Variants in HPSE2 observed in about 807,000 individuals in gnomAD.
The protein encoded by HPSE2 is heparanase 2 (inactive).
Under a neutral mutation model 60.5 loss-of-function variants are expected in HPSE2, and 38 were observed. That is an observed-to-expected ratio of 0.63 (90% CI 0.48 to 0.82). The LOEUF is 0.82. HPSE2 is among the 40% of genes least tolerant of loss of function. The pLI is 0.00. For missense variants in HPSE2, 713 were observed against 740.4 expected, an observed-to-expected ratio of 0.96 and a Z score of 0.43; for synonymous variants, 295 against 293.2, an observed-to-expected ratio of 1.01 and a Z score of -0.06.
chr10:98,857,941 G>GA (rs1952357210), intron 3 of HPSE2, among the ~76,000 whole-genome samples: 2 of 152,050 alleles, frequency 1.3e-5, no homozygotes, highest in African/African-American at 4.8e-5. Flanking sequence ...TTTTATTTGA[G>GA]AAAAATATAA....
chr10:98,927,253 G>T (rs980848470), intron 3 of HPSE2, among the ~76,000 whole-genome samples: 1 of 152,002 alleles, frequency 6.6e-6, no homozygotes, highest in Non-Finnish European at 1.5e-5. Context: ...CCTCTTTGTA[G>T]GTCACTCAGG....
At chr10:98,520,654 A>T (rs1202957680) in intron 9 of HPSE2, among the ~76,000 whole-genome samples, 1 of 152,246 alleles carries the variant, frequency 6.6e-6, no homozygotes, top group East Asian at 1.9e-4. Flanking sequence ...CATTGATATT[A>T]GGATTTACGT....
chr10:98,846,436 T>C (rs967958979), intron 3 of HPSE2, among the ~76,000 whole-genome samples: 5 of 152,214 alleles, frequency 3.3e-5, no homozygotes, highest in African/African-American at 9.6e-5. Flanking sequence ...CACAAGGCTG[T>C]AGTGAGTATG....
chr10:99,257,286 A>G, the HPSE2 span, among the ~76,000 whole-genome samples: 1 of 152,188 alleles, frequency 6.6e-6, no homozygotes, highest in African/African-American at 2.4e-5. Context: ...AAGAGAGATA[A>G]CCTTAAACTC....
At chr10:98,661,860 G>A (rs888814510) in intron 6 of HPSE2, among the ~76,000 whole-genome samples, 6 of 152,206 alleles carry the variant, frequency 3.9e-5, no homozygotes, top group African/African-American at 1.4e-4. Context: ...GGGCAAGTCA[G>A]TTAGGACTTC....
At chr10:98,504,878 T>C (rs1942149717) in intron 9 of HPSE2, among the ~76,000 whole-genome samples, 1 of 151,858 alleles carries the variant, frequency 6.6e-6, no homozygotes, top group Non-Finnish European at 1.5e-5. Flanking sequence ...CCTTACTTTA[T>C]ATTTTACAGC....
rs550023034 is a variant in HPSE2 at position 98,620,542 on chromosome 10, G to A, written c.1205+60C>T. The A allele has an allele frequency of 3.3e-6, 4 of 1,222,162 alleles. No individual in the cohort carries two copies. In the East Asian group the frequency reaches 7.0e-5, roughly 21 times the overall value. The allele number at this position is 1,222,162 out of a possible 1,614,324, so 75.7% of individuals were successfully genotyped here. A position where few individuals can be genotyped will look rare whatever the true frequency, so the allele number is the denominator to read the frequency against. Reference sequence around the variant, plus strand: ...ATGGGCAGAATAATCAGCAACACCAGAGATTCACTGTCCTTCCCTCCTGAA... The same window carrying A: ...ATGGGCAGAATAATCAGCAACACCAAAGATTCACTGTCCTTCCCTCCTGAA... On this transcript the variant is annotated intron_variant, in intron 8 of 11. Coordinates refer to ENST00000370552, the MANE Select transcript of HPSE2 (RefSeq NM_021828.5).
At chr10:98,477,305 T>C (rs1270192726) in intron 11 of HPSE2, among the ~76,000 whole-genome samples, 4 of 152,224 alleles carry the variant, frequency 2.6e-5, no homozygotes, top group African/African-American at 7.2e-5. Context: ...TACAATTAAG[T>C]GTTCAGACAG....
At chr10:98,632,455 AG>A (rs1268346811) in intron 7 of HPSE2, among the ~76,000 whole-genome samples, 2 of 152,218 alleles carry the variant, frequency 1.3e-5, no homozygotes, top group East Asian at 3.8e-4. Context: ...CTAAGAATCA[AG>A]GAAATTAAGG....
At chr10:99,051,950 A>T (rs377204857) in intron 3 of HPSE2, among the ~76,000 whole-genome samples, 7 of 114,852 alleles carry the variant, frequency 6.1e-5, no homozygotes, top group South Asian at 3.2e-4. Context: ...GCTTGAAATT[A>T]AAAAAAAAAA....
At chr10:98,656,565 T>G (rs1947069647) in intron 6 of HPSE2, among the ~76,000 whole-genome samples, 1 of 152,136 alleles carries the variant, frequency 6.6e-6, no homozygotes. Flanking sequence ...ATCACATAAT[T>G]GACTTTTTTA....
At chr10:98,772,554 T>C (rs1950263456) in intron 3 of HPSE2, among the ~76,000 whole-genome samples, 1 of 152,080 alleles carries the variant, frequency 6.6e-6, no homozygotes, top group Non-Finnish European at 1.5e-5. Flanking sequence ...ACAAATACAT[T>C]TTGAGGAATA....
At chr10:98,674,203 A>G (rs923369825) in intron 6 of HPSE2, among the ~76,000 whole-genome samples, 3 of 152,226 alleles carry the variant, frequency 2.0e-5, no homozygotes, top group Non-Finnish European at 2.9e-5. Context: ...CCTCACTCCC[A>G]TACAGTATAC....
the HPSE2 span, among the ~76,000 whole-genome samples, chr10:99,276,002 T>C: frequency 2.6e-5 from 4 of 152,176 alleles, no homozygotes; most frequent in Non-Finnish European, 4.4e-5. Context: ...AACAGCCAAA[T>C]AGAAATAACT....
intron 3 of HPSE2, among the ~76,000 whole-genome samples, chr10:98,778,264 C>CAGAGAGAGAGAGAGACAG (rs1554991960): frequency 2.7e-5 from 3 of 112,734 alleles, no homozygotes; most frequent in East Asian, 4.7e-4. Context: ...GAGAGAGAGA[C>CAGAGAGAGAGAGAGACAG]AGAGAGAGAG....
chr10:99,133,524 G>A (rs138767570), intron 3 of HPSE2, among the ~76,000 whole-genome samples: 1 of 152,200 alleles, frequency 6.6e-6, no homozygotes. Flanking sequence ...CCTCTGGGAA[G>A]AAGCTTCCAG....
intron 8 of HPSE2, among the ~76,000 whole-genome samples, chr10:98,618,669 CA>C (rs1945988382): frequency 6.6e-6 from 1 of 152,144 alleles, no homozygotes; most frequent in African/African-American, 2.4e-5. Flanking sequence ...CTCTGCTACC[CA>C]GATTCAAGCA....
At chr10:99,071,155 T>C (rs974524408) in intron 3 of HPSE2, among the ~76,000 whole-genome samples, 3 of 151,224 alleles carry the variant, frequency 2.0e-5, no homozygotes, top group African/African-American at 7.3e-5. Context: ...CTGCAACCTC[T>C]GCCTCCCAGG....
chr10:98,869,629 C>T (rs534881197), intron 3 of HPSE2, among the ~76,000 whole-genome samples: 38 of 152,214 alleles, frequency 2.5e-4, no homozygotes, highest in Admixed American at 2.5e-3. Context: ...TTCTGACTTA[C>T]CACCAGTGAG....
Sources: gnomAD v4.1 joint callset for allele counts (sites outside exome capture counted in the v4.1 genomes callset) on GRCh38, gnomAD v4.1.1 for gene constraint, MANE v1.5 for transcripts, NCBI Gene and HGNC (gene_info 2026-07-23, HGNC 2026-07-21) for gene names.